The following MID1 variants were observed in gnomAD, a reference collection of about 807,000 sequenced individuals.
The protein encoded by MID1 is midline 1, also known as E3 ubiquitin-protein ligase Midline-1.
A neutral mutation model predicts 40.4 loss-of-function variants in MID1; 7 were observed. That is an observed-to-expected ratio of 0.17 (90% CI 0.10 to 0.33). The LOEUF (loss-of-function observed/expected upper bound fraction) is 0.33. Among genes scored for constraint, MID1 ranks in the 10% least tolerant of loss-of-function variants. MID1 has a pLI of 1.00. For synonymous variants in MID1, 229 were observed against 221.2 expected, an observed-to-expected ratio of 1.04 and a Z score of -0.31; for missense variants, 367 against 558.5, an observed-to-expected ratio of 0.66 and a Z score of 3.46.
intron 1 of MID1, among the ~76,000 whole-genome samples, chrX:10,585,905 T>C (rs1419937323): frequency 1.8e-5 from 2 of 110,906 alleles, no homozygotes; most frequent in Non-Finnish European, 3.8e-5. Flanking sequence ...AGGCATCGAA[T>C]TTCAAGGTGA....
chrX:10,817,524 C>CT (rs2044144228), intron 1 of MID1, among the ~76,000 whole-genome samples: 1 of 82,145 alleles, frequency 1.2e-5, no homozygotes, highest in Non-Finnish European at 2.5e-5. Flanking sequence ...CTCTTTCTTT[C>CT]TTTCTTTCTT....
At chrX:10,789,654 A>G (rs1365460760) in intron 1 of MID1, among the ~76,000 whole-genome samples, 1 of 112,405 alleles carries the variant, frequency 8.9e-6, no homozygotes, top group East Asian at 2.8e-4. Context: ...TCGCACAATC[A>G]TAGAATTGCC....
At chrX:10,526,040 G>GT (rs1189952382) in intron 2 of MID1, among the ~76,000 whole-genome samples, 1 of 112,079 alleles carries the variant, frequency 8.9e-6, no homozygotes, top group Non-Finnish European at 1.9e-5. Context: ...TATTTTATCT[G>GT]TAATTCTCAT....
At chrX:10,678,841 T>G (rs2043040176) in intron 1 of MID1, among the ~76,000 whole-genome samples, 1 of 112,254 alleles carries the variant, frequency 8.9e-6, no homozygotes, top group Non-Finnish European at 1.9e-5. Context: ...TATAATTTAT[T>G]GCCTGTCAGA....
At chrX:10,792,556 T>G (rs1028701446) in intron 1 of MID1, among the ~76,000 whole-genome samples, 2 of 111,943 alleles carry the variant, frequency 1.8e-5, no homozygotes, top group Non-Finnish European at 3.8e-5. Context: ...AATATATAAA[T>G]AAATATATAG....
At chrX:10,700,001 T>C (rs1027139970) in intron 1 of MID1, among the ~76,000 whole-genome samples, 1 of 109,822 alleles carries the variant, frequency 9.1e-6, no homozygotes, top group African/African-American at 3.3e-5. Flanking sequence ...TTTGTATTTT[T>C]AGTAGAGATG....
Position 10,735,252 on chromosome X carries a change from G to A in MID1, c.-187+98302C>T, listed in dbSNP as rs184203875. 2.7e-5 allele frequency among the ~76,000 whole-genome samples: 3 copies of A among 111,807 alleles called. No homozygotes were observed. The Admixed American group carries it at 2.8e-4, about 11-fold the overall frequency. On this transcript the variant is annotated intron_variant, in intron 1 of 10. Coordinates refer to the MID1 transcript ENST00000380785. ...TGAGTAGTTGGGATTATAGGCATGCGCCACTATGTCCAGCTAATTTTGTAT... is the reference window on the plus strand; with the variant it reads ...TGAGTAGTTGGGATTATAGGCATGCACCACTATGTCCAGCTAATTTTGTAT...
intron 9 of MID1, among the ~76,000 whole-genome samples, chrX:10,454,232 C>T (rs1377339619): frequency 8.9e-6 from 1 of 112,063 alleles, no homozygotes; most frequent in Non-Finnish European, 1.9e-5. Flanking sequence ...CCTATGATCA[C>T]TGCTTCACCC....
intron 5 of MID1, among the ~76,000 whole-genome samples, chrX:10,479,789 G>T (rs1426844498): frequency 8.9e-6 from 1 of 112,062 alleles, no homozygotes; most frequent in African/African-American, 3.2e-5. Flanking sequence ...TTGTAAAAGT[G>T]CTGCAGCAAA....
chrX:10,458,615 A>G (rs150403562), intron 8 of MID1, among the ~76,000 whole-genome samples: 4,985 of 111,879 alleles, frequency 0.045, 248 homozygotes, highest in African/African-American at 0.15. Flanking sequence ...AAAATAAAAA[A>G]TCTATTTAAA....
At chrX:10,658,425 C>A (rs2042889596) in intron 1 of MID1, among the ~76,000 whole-genome samples, 1 of 13,772 alleles carries the variant, frequency 7.3e-5, no homozygotes, top group African/African-American at 2.9e-4. Context: ...AGTCCTTCAA[C>A]TGTAAAAAAA....
intron 1 of MID1, among the ~76,000 whole-genome samples, chrX:10,656,765 T>TAAAA (rs1177435255): frequency 9.5e-6 from 1 of 104,791 alleles, no homozygotes; most frequent in African/African-American, 3.4e-5. Context: ...TGATTTTTTT[T>TAAAA]AAAAAAAAAA....
intron 1 of MID1, among the ~76,000 whole-genome samples, chrX:10,758,837 G>A (rs1393223016): frequency 1.8e-5 from 2 of 111,101 alleles, no homozygotes; most frequent in Non-Finnish European, 3.8e-5. Flanking sequence ...TAACTAAAAG[G>A]GATTTTATGT....
intron 7 of MID1, chrX:10,469,406 C>CT (rs1222567397): frequency 6.3e-5 from 66 of 1,041,941 alleles, no homozygotes; most frequent in Admixed American, 4.3e-4. Flanking sequence ...TTGTTTCTCT[C>CT]TCTATGTATC....
At chrX:10,490,756 T>C (rs889048026) in intron 4 of MID1, among the ~76,000 whole-genome samples, 11 of 112,250 alleles carry the variant, frequency 9.8e-5, no homozygotes, top group Non-Finnish European at 2.1e-4. Flanking sequence ...ATGAGATTAT[T>C]AGTTCCTGGA....
chrX:10,484,291 A>C (rs934542575), intron 4 of MID1, among the ~76,000 whole-genome samples: 2 of 112,594 alleles, frequency 1.8e-5, no homozygotes. Flanking sequence ...CGAATTGCAG[A>C]TGTTTAATAC....
chrX:10,773,507 G>A (rs1045801807), intron 1 of MID1, among the ~76,000 whole-genome samples: 5 of 112,134 alleles, frequency 4.5e-5, no homozygotes, highest in African/African-American at 1.6e-4. Context: ...TCTTATCTTA[G>A]CTTTCGTTCC....
rs1384253680 is a variant in MID1, at chrX:10,620,541, G to C, written c.-308C>G. ...TCCCCCAGCCTATGAAAAGTCGGTC[G>C]CAGGGAAGCGAGGACCGCCTGGCTC... On this transcript the variant is annotated 5_prime_UTR_variant, in exon 1 of 10. Coordinates refer to ENST00000317552, the MANE Select transcript of MID1 (RefSeq NM_000381.4). 2 of 112,556 alleles carry C rather than the reference G, an allele frequency of 1.8e-5. No individual in the cohort carries two copies. The highest frequency in any genetic ancestry group is 6.5e-5 in the African/African-American group (2 of 30,885). 9.3% of individuals were successfully genotyped at this position (112,556 alleles called of 1,213,427 possible). A position where few individuals can be genotyped will look rare whatever the true frequency, so the allele number is the denominator to read the frequency against.
At chrX:10,501,599 A>C in intron 3 of MID1, 1 of 1,066,320 alleles carries the variant, frequency 9.4e-7, no homozygotes. Context: ...AATGATGTGA[A>C]TGTAGAAGCA....
Sources: allele counts gnomAD v4.1 joint callset (sites outside exome capture counted in the v4.1 genomes callset), GRCh38; gene constraint gnomAD v4.1.1; transcripts MANE v1.5; gene names NCBI Gene and HGNC (gene_info 2026-07-23, HGNC 2026-07-21).